Variants in LCP1 observed in about 807,000 individuals in gnomAD.
LCP1 encodes the protein plastin-2.
Under a neutral mutation model 72.0 loss-of-function variants are expected in LCP1, and 23 were observed. That is an observed-to-expected ratio of 0.32 (90% CI 0.23 to 0.45). The LOEUF is 0.45. LCP1 is among the 20% of genes least tolerant of loss of function. The pLI, the probability that LCP1 is intolerant of heterozygous loss-of-function variation, is 1.00. For synonymous variants in LCP1, 245 were observed against 275.4 expected (o/e 0.89, Z 1.09); for missense variants, 571 against 748.3 (o/e 0.76, Z 2.76).
At chr13:46,161,859 A>G (rs1262890421) in intron 1 of LCP1, among the ~76,000 whole-genome samples, 2 of 152,214 alleles carry the variant, frequency 1.3e-5, no homozygotes, top group African/African-American at 2.4e-5. Flanking sequence ...GGAAAGTATC[A>G]TCGGTTATAC....
chr13:46,146,659 C>T (rs561147141), intron 10 of LCP1, among the ~76,000 whole-genome samples: 1 of 152,256 alleles, frequency 6.6e-6, no homozygotes, highest in East Asian at 1.9e-4. Flanking sequence ...CATTATCTTT[C>T]CTAAAACATT....
intron 1 of LCP1, among the ~76,000 whole-genome samples, chr13:46,179,595 G>A (rs892034235): frequency 6.6e-6 from 1 of 152,160 alleles, no homozygotes; most frequent in Admixed American, 6.6e-5. Context: ...CTCCAAAAGG[G>A]TATGTTTCTT....
At chr13:46,154,697 TG>T in intron 6 of LCP1, 107 bp downstream of exon 6, 1 of 842,094 alleles carries the variant, frequency 1.2e-6, no homozygotes. Flanking sequence ...GCCCAAAGCC[TG>T]GGTTTTGCGA....
chr13:46,141,206 G>A (rs915007851), intron 13 of LCP1, among the ~76,000 whole-genome samples: 7 of 151,930 alleles, frequency 4.6e-5, no homozygotes, highest in Non-Finnish European at 8.8e-5. Context: ...AGGAGTTTGA[G>A]ACCAGCCTGT....
At chr13:46,145,566 T>G (rs1749351363) in intron 10 of LCP1, among the ~76,000 whole-genome samples, 1 of 151,862 alleles carries the variant, frequency 6.6e-6, no homozygotes, top group Non-Finnish European at 1.5e-5. Context: ...CTCTTTAGTT[T>G]GGTGACTAAA....
At chr13:46,140,803 C>T (rs1052790762) in intron 13 of LCP1, among the ~76,000 whole-genome samples, 25 of 152,008 alleles carry the variant, frequency 1.6e-4, no homozygotes, top group Non-Finnish European at 2.4e-4. Flanking sequence ...ACTATAATGT[C>T]CAGGTTAAAA....
intron 15 of LCP1, among the ~76,000 whole-genome samples, 195 bp from the exon 16 acceptor site, chr13:46,127,918 AC>A (rs1165189710): frequency 6.6e-6 from 1 of 152,030 alleles, no homozygotes; most frequent in African/African-American, 2.4e-5. Flanking sequence ...AAAGCATCAG[AC>A]TTGCTGGCTA....
chr13:46,143,838 G>A (rs186105881), intron 11 of LCP1, among the ~76,000 whole-genome samples: 104 of 152,290 alleles, frequency 6.8e-4, no homozygotes, highest in Admixed American at 4.3e-3. Flanking sequence ...AGACCAAGGC[G>A]GGTGGATCAT....
At chr13:46,172,526 G>T (rs9567632) in intron 1 of LCP1, among the ~76,000 whole-genome samples, 20,378 of 152,006 alleles carry the variant, frequency 0.13, 1,674 homozygotes, top group East Asian at 0.24. Flanking sequence ...AGAGAAAATA[G>T]CTCTACAAAG....
At chr13:46,169,831 C>T (rs1359437506) in intron 1 of LCP1, 1 of 152,224 alleles carries the variant, frequency 6.6e-6, no homozygotes, top group Non-Finnish European at 1.5e-5. Context: ...AACAACTCAC[C>T]ACGAGATGAA....
At chr13:46,133,046 G>A (rs1303259236) in intron 14 of LCP1, among the ~76,000 whole-genome samples, 4 of 152,122 alleles carry the variant, frequency 2.6e-5, no homozygotes, top group Admixed American at 1.3e-4. Context: ...GAGGAATCCA[G>A]TTAATGCATG....
In LCP1 at chr13:46,143,348, A is replaced by G; in HGVS notation, c.1310T>C (p.Val437Ala). 1.9e-6 allele frequency: 3 copies of G among 1,614,106 alleles called. No individual in the cohort carries two copies. Among genetic ancestry groups the G allele is most frequent in the Non-Finnish European group, 2.5e-6 (3 of 1,179,970 alleles). The part of the protein sequence containing the change: ...FQLYEKIKVP[V>A]DWNRVNKPPY... ...CGGTTTGTTTACTCTGTTCCAGTCAACAGGAACTTTGATCTTTTCATAGAG... is the reference window on the plus strand; with the variant it reads ...CGGTTTGTTTACTCTGTTCCAGTCAGCAGGAACTTTGATCTTTTCATAGAG... Residue 437 changes from valine to alanine, a missense_variant, in exon 12 of 16, where the codon GTT becomes GCT. Transcript: ENST00000323076.
At chr13:46,133,708 A>G (rs2045646879) in intron 14 of LCP1, among the ~76,000 whole-genome samples, 1 of 151,920 alleles carries the variant, frequency 6.6e-6, no homozygotes, top group Non-Finnish European at 1.5e-5. Flanking sequence ...AATTAAAATT[A>G]AAAATAGACA....
chr13:46,126,120 T>C lies in LCP1; in HGVS notation c.*1471A>G, dbSNP rs2045596639. 9.2e-6 allele frequency: 2 copies of C among 217,122 alleles called. No homozygotes were observed. Among genetic ancestry groups the C allele is most frequent in the African/African-American group, 4.5e-5 (2 of 44,414 alleles). 13.4% of individuals were successfully genotyped at this position (217,122 alleles called of 1,614,324 possible). On this transcript the variant is annotated 3_prime_UTR_variant, in exon 16 of 16. Coordinates refer to ENST00000323076, the MANE Select transcript of LCP1 (RefSeq NM_002298.5). ...TGGTTATGGGCTGGGAGGAGCCACA[T>C]GTTGGCTTTCTGAGTCCACTGCCAA...
Position 46,173,720 on chromosome 13 carries a change from G to A in LCP1, c.-25+8391C>T, listed in dbSNP as rs139567379. ...TCTTATTCGGAGTCCTTGAAGTCAG[G>A]TATTGCAGAACTGGTACATGATACC... On this transcript the variant is annotated intron_variant, in intron 1 of 15. Coordinates refer to ENST00000323076, the MANE Select transcript of LCP1 (RefSeq NM_002298.5). 5.9e-5 allele frequency among the ~76,000 whole-genome samples: 9 copies of A among 152,276 alleles called. No individual in the cohort carries two copies. In the East Asian group the frequency reaches 1.7e-3, roughly 29 times the overall value.
intron 6 of LCP1, among the ~76,000 whole-genome samples, chr13:46,154,013 AC>A (rs1479756355): frequency 6.6e-6 from 1 of 152,240 alleles, no homozygotes; most frequent in African/African-American, 2.4e-5. Context: ...CAAATTAAAA[AC>A]AAAGCAAAGG....
chr13:46,137,837 C>T (rs4942488), intron 13 of LCP1, among the ~76,000 whole-genome samples: 43,282 of 152,128 alleles, frequency 0.28, 7,188 homozygotes, highest in African/African-American at 0.45. Flanking sequence ...CCTCCTTCAA[C>T]AAGAGAGTTG....
At chr13:46,176,038 A>T (rs565763088) in intron 1 of LCP1, among the ~76,000 whole-genome samples, 3 of 152,298 alleles carry the variant, frequency 2.0e-5, no homozygotes, top group Non-Finnish European at 4.4e-5. Flanking sequence ...TACACCTGAG[A>T]TTACTAGAGG....
At chr13:46,162,830 G>A (rs1292465835) in intron 1 of LCP1, among the ~76,000 whole-genome samples, 38 of 152,086 alleles carry the variant, frequency 2.5e-4, no homozygotes, top group Non-Finnish European at 5.0e-4. Flanking sequence ...CCTCTGCCCG[G>A]CCGCGACCCC....
Sources: gnomAD v4.1 joint callset for allele counts (sites outside exome capture counted in the v4.1 genomes callset) on GRCh38, gnomAD v4.1.1 for gene constraint, MANE v1.5 for transcripts, NCBI Gene and HGNC (gene_info 2026-07-23, HGNC 2026-07-21) for gene names.